The following EYS variants were observed in gnomAD, a reference collection of about 807,000 sequenced individuals.
EYS encodes protein eyes shut homolog.
A neutral mutation model predicts 282.1 loss-of-function variants in EYS; 250 were observed. The ratio of observed to expected loss-of-function variants is 0.89; its 90% CI spans 0.80 to 0.98. The LOEUF (loss-of-function observed/expected upper bound fraction) is 0.98, where lower values mean the gene tolerates loss of function less well. Ranked by LOEUF, EYS falls within the 50% of genes least tolerant of loss-of-function variation. The pLI is 0.00. For missense variants in EYS, 4,016 were observed against 3,709.0 expected (o/e 1.08, Z -2.15); for synonymous variants, 1,355 against 1,282.9 (o/e 1.06, Z -1.20).
chr6:65,514,893 G>A (rs1767060764), intron 2 of EYS, among the ~76,000 whole-genome samples: 1 of 152,142 alleles, frequency 6.6e-6, no homozygotes, highest in African/African-American at 2.4e-5. Context: ...AGGACTTCAT[G>A]TCTAAAACAC....
At chr6:64,844,570 C>G (rs1196723180) in intron 19 of EYS, among the ~76,000 whole-genome samples, 1 of 152,018 alleles carries the variant, frequency 6.6e-6, no homozygotes, top group African/African-American at 2.4e-5. Flanking sequence ...TTTGTAGACC[C>G]TTCTTTCACC....
intron 40 of EYS, 59 bp downstream of exon 40, chr6:63,777,947 G>C (rs775268715): frequency 3.2e-4 from 448 of 1,397,960 alleles, no homozygotes; most frequent in Non-Finnish European, 4.4e-4. Context: ...TGACAGAGTG[G>C]AGTACCAGTT....
At chr6:65,259,889 C>T (rs953021543) in intron 12 of EYS, among the ~76,000 whole-genome samples, 3 of 152,066 alleles carry the variant, frequency 2.0e-5, no homozygotes, top group Non-Finnish European at 4.4e-5. Context: ...TGTCTTTGGA[C>T]AGCTCATGCA....
At chr6:64,148,805 C>T (rs1774607659) in intron 31 of EYS, among the ~76,000 whole-genome samples, 1 of 152,112 alleles carries the variant, frequency 6.6e-6, no homozygotes, top group Admixed American at 6.6e-5. Flanking sequence ...GAAGTCAAAA[C>T]ACCTAGAACT....
intron 12 of EYS, among the ~76,000 whole-genome samples, chr6:65,062,253 C>G (rs1773598914): frequency 6.6e-6 from 1 of 151,904 alleles, no homozygotes; most frequent in Non-Finnish European, 1.5e-5. Flanking sequence ...CTAAGCAGCT[C>G]TACCTTCCTT....
At chr6:64,420,381 C>A (rs1214516890) in intron 28 of EYS, among the ~76,000 whole-genome samples, 1 of 152,122 alleles carries the variant, frequency 6.6e-6, no homozygotes, top group Non-Finnish European at 1.5e-5. Flanking sequence ...CTCTGACATG[C>A]CCTGGAGATA....
At chr6:63,941,312 T>A (rs1765232359) in intron 35 of EYS, among the ~76,000 whole-genome samples, 1 of 152,058 alleles carries the variant, frequency 6.6e-6, no homozygotes, top group Non-Finnish European at 1.5e-5. Flanking sequence ...AGTGTAAAAG[T>A]ATTCCTATTT....
intron 2 of EYS, among the ~76,000 whole-genome samples, chr6:65,599,560 G>A (rs1765542843): frequency 6.6e-6 from 1 of 151,852 alleles, no homozygotes; most frequent in South Asian, 2.1e-4. Context: ...TTTATAGCAG[G>A]TTTAAAAGAA....
Position 64,029,886 on chromosome 6 carries a change from G to A in EYS, c.6726-30703C>T, listed in dbSNP as rs538009707. Among the ~76,000 whole-genome samples, 95 of 152,346 alleles carry A rather than the reference G, an allele frequency of 6.2e-4. 3 individuals carry two copies. The South Asian group carries it at 0.018, about 29-fold the overall frequency. On this transcript the variant is annotated intron_variant, in intron 33 of 42. Coordinates refer to ENST00000503581, the MANE Select transcript of EYS (RefSeq NM_001142800.2). ...TTATCTAATCCTACATGCCCATGCT[G>A]CAATATGGAAAGAGAGGGAGTTCCT...
chr6:64,563,270 C>T (rs1051405193), intron 26 of EYS, among the ~76,000 whole-genome samples: 4 of 152,000 alleles, frequency 2.6e-5, no homozygotes, highest in African/African-American at 9.7e-5. Context: ...AAAGTTCTGA[C>T]ATTCAATATT....
chr6:64,853,941 A>T (rs1017975183), intron 19 of EYS, among the ~76,000 whole-genome samples: 1 of 152,052 alleles, frequency 6.6e-6, no homozygotes, highest in Non-Finnish European at 1.5e-5. Flanking sequence ...TGGGTGAAGG[A>T]TATGAACAGA....
At chr6:64,440,389 A>AT (rs200021674) in intron 26 of EYS, among the ~76,000 whole-genome samples, 3,715 of 152,056 alleles carry the variant, frequency 0.024, 123 homozygotes, top group African/African-American at 0.077. Context: ...CCTCAAATTA[A>AT]TTTTTTTCAC....
At chr6:64,461,913 A>G (rs1775764178) in intron 26 of EYS, among the ~76,000 whole-genome samples, 1 of 152,150 alleles carries the variant, frequency 6.6e-6, no homozygotes, top group African/African-American at 2.4e-5. Context: ...TGGAACTCAT[A>G]CTATTGAATA....
chr6:64,805,544 A>C (rs1764396947), intron 22 of EYS, among the ~76,000 whole-genome samples: 1 of 151,778 alleles, frequency 6.6e-6, no homozygotes, highest in Admixed American at 6.6e-5. Flanking sequence ...CTCAAAATAT[A>C]TTTTTATTTA....
intron 22 of EYS, among the ~76,000 whole-genome samples, chr6:64,734,581 G>C (rs796543602): frequency 1.2e-4 from 18 of 152,268 alleles, no homozygotes; most frequent in African/African-American, 4.3e-4. Flanking sequence ...CTATTTCTAA[G>C]TATTTCTGTT....
chr6:64,723,687 G>A (rs1479778939), intron 22 of EYS, among the ~76,000 whole-genome samples: 1 of 152,182 alleles, frequency 6.6e-6, no homozygotes, highest in Non-Finnish European at 1.5e-5. Context: ...TGGTCCTGCA[G>A]AATGAATTGC....
chr6:65,579,447 C>G (rs1370575293), intron 2 of EYS, among the ~76,000 whole-genome samples: 5 of 152,060 alleles, frequency 3.3e-5, no homozygotes, highest in Non-Finnish European at 5.9e-5. Flanking sequence ...TATTAGCCAG[C>G]TCGGCTGCCA....
intron 34 of EYS, among the ~76,000 whole-genome samples, chr6:63,994,473 A>G (rs1767744485): frequency 6.6e-6 from 1 of 151,866 alleles, no homozygotes; most frequent in Non-Finnish European, 1.5e-5. Flanking sequence ...GAGACCCTGA[A>G]AGGCCTTGAA....
At chr6:63,916,996 T>C (rs190259917) in intron 35 of EYS, among the ~76,000 whole-genome samples, 37 of 152,304 alleles carry the variant, frequency 2.4e-4, no homozygotes, top group Admixed American at 3.9e-4. Flanking sequence ...AGCTGACAGG[T>C]CAGGAAGTGT....
Sources: allele counts gnomAD v4.1 joint callset (sites outside exome capture counted in the v4.1 genomes callset), GRCh38; gene constraint gnomAD v4.1.1; transcripts MANE v1.5; gene names NCBI Gene and HGNC (gene_info 2026-07-23, HGNC 2026-07-21).